Variants in CSMD3 observed in about 807,000 individuals in gnomAD.
CSMD3 encodes CUB and Sushi multiple domains 3, also known as CUB and sushi domain-containing protein 3.
A neutral mutation model predicts 435.2 loss-of-function variants in CSMD3; 177 were observed. The observed-to-expected ratio is 0.41, with a 90% confidence interval of 0.36 to 0.46. CSMD3 has a LOEUF of 0.46. Among genes scored for constraint, CSMD3 ranks in the 20% least tolerant of loss-of-function variants. CSMD3 has a pLI of 0.34. For missense variants in CSMD3, 4,265 were observed against 4,504.6 expected (o/e 0.95, Z 1.52); for synonymous variants, 1,656 against 1,520.5 (o/e 1.09, Z -2.07).
rs2074952475 is a variant in CSMD3 at position 112,645,373 on chromosome 8, GAAGAA to G, written c.3194-153_3194-149del. The G allele has an allele frequency of 1.9e-5, 13 of 693,236 alleles. No homozygotes were observed. The East Asian group carries it at 3.2e-4, about 17-fold the overall frequency. 42.9% of individuals were successfully genotyped at this position (693,236 alleles called of 1,614,324 possible). A position where few individuals can be genotyped will look rare whatever the true frequency, so the allele number is the denominator to read the frequency against. On this transcript the variant is annotated intron_variant, in intron 19 of 70. Transcript: ENST00000297405. The stretch of plus-strand genomic sequence containing the variant: ...TAACAGGTGTGCATGCAGCACTAGA[GAAGAA>G]AAGTGTACTCAGTAGCATCTGAGAA...
chr8:112,704,704 T>G (rs2076461842), intron 13 of CSMD3, among the ~76,000 whole-genome samples: 1 of 152,162 alleles, frequency 6.6e-6, no homozygotes, highest in South Asian at 2.1e-4. Flanking sequence ...GGGATTAAGC[T>G]TATTTTTATG....
intron 10 of CSMD3, among the ~76,000 whole-genome samples, chr8:112,886,268 A>G (rs2081594740): frequency 6.6e-6 from 1 of 151,670 alleles, no homozygotes; most frequent in Non-Finnish European, 1.5e-5. Context: ...TGTAACTCAT[A>G]TGTATTCATT....
chr8:112,958,246 T>C (rs890579124), intron 7 of CSMD3, among the ~76,000 whole-genome samples: 1 of 152,168 alleles, frequency 6.6e-6, no homozygotes, highest in Non-Finnish European at 1.5e-5. Flanking sequence ...AAATGCAAGA[T>C]TGATAGGCAT....
chr8:112,416,980 G>A (rs1039974489), intron 32 of CSMD3, among the ~76,000 whole-genome samples: 1 of 152,126 alleles, frequency 6.6e-6, no homozygotes, highest in African/African-American at 2.4e-5. Flanking sequence ...GGTGGAGTAA[G>A]GGCAGCAGGT....
intron 40 of CSMD3, among the ~76,000 whole-genome samples, chr8:112,349,029 A>G (rs1825912007): frequency 6.6e-6 from 1 of 152,040 alleles, no homozygotes; most frequent in East Asian, 1.9e-4. Flanking sequence ...AAAGGTTTTA[A>G]GCAGTTCTAT....
At chr8:113,140,034 C>T (rs183670802) in intron 4 of CSMD3, among the ~76,000 whole-genome samples, 15 of 150,988 alleles carry the variant, frequency 9.9e-5, no homozygotes, top group Non-Finnish European at 1.9e-4. Flanking sequence ...ATCAGTGATT[C>T]CTTGACCAAA....
At chr8:112,713,678 G>T (rs1239374166) in intron 13 of CSMD3, among the ~76,000 whole-genome samples, 2 of 152,108 alleles carry the variant, frequency 1.3e-5, no homozygotes, top group Non-Finnish European at 2.9e-5. Flanking sequence ...AGACAAAAAG[G>T]CCAGGTCACC....
At chr8:112,629,837 G>A (rs909534400) in intron 22 of CSMD3, among the ~76,000 whole-genome samples, 15 of 152,078 alleles carry the variant, frequency 9.9e-5, no homozygotes, top group Non-Finnish European at 4.4e-5. Context: ...CTTGAGTATA[G>A]GCAGGATCTA....
rs1812773647 is a variant in CSMD3, at chr8:112,228,381, T to G, written c.10964+375A>C. Among the ~76,000 whole-genome samples, 9 of 152,324 alleles carry G rather than the reference T, an allele frequency of 5.9e-5. No individual in the cohort carries two copies. The South Asian group carries it at 1.9e-3, about 32-fold the overall frequency. ...GGTTTGGACACAAGCTCCTTCTTAG[T>G]TTTCTAAACATATCTGGCAGCAGAT... On this transcript the variant is annotated intron_variant, in intron 70 of 70. Transcript: ENST00000297405.
chr8:113,055,005 C>A (rs1454842859), intron 5 of CSMD3, among the ~76,000 whole-genome samples: 1 of 152,130 alleles, frequency 6.6e-6, no homozygotes, highest in Non-Finnish European at 1.5e-5. Flanking sequence ...ATGTTATCTA[C>A]TACCTAGATA....
chr8:112,378,735 G>C (rs1829190104), intron 38 of CSMD3, among the ~76,000 whole-genome samples: 1 of 152,092 alleles, frequency 6.6e-6, no homozygotes, highest in South Asian at 2.1e-4. Context: ...TCTGATGTTT[G>C]ATAAGCAGGG....
At chr8:112,788,859 A>G (rs1299633203) in intron 13 of CSMD3, among the ~76,000 whole-genome samples, 1 of 152,148 alleles carries the variant, frequency 6.6e-6, no homozygotes, top group Non-Finnish European at 1.5e-5. Context: ...GGTATATTGA[A>G]TGTAAAATAA....
At chr8:112,617,371 T>C (rs1833739799) in intron 22 of CSMD3, among the ~76,000 whole-genome samples, 1 of 152,180 alleles carries the variant, frequency 6.6e-6, no homozygotes. Flanking sequence ...ATTATTAAAA[T>C]GGACCAGATA....
At chr8:113,265,346 G>A (rs1200688440) in intron 3 of CSMD3, among the ~76,000 whole-genome samples, 2 of 151,494 alleles carry the variant, frequency 1.3e-5, no homozygotes, top group Non-Finnish European at 3.0e-5. Flanking sequence ...AAATAATACA[G>A]TATATGTATT....
intron 39 of CSMD3, among the ~76,000 whole-genome samples, chr8:112,351,589 C>T (rs1044813328): frequency 6.6e-6 from 1 of 151,694 alleles, no homozygotes; most frequent in African/African-American, 2.4e-5. Context: ...TAATAAATTG[C>T]TATAACACAC....
intron 2 of CSMD3, among the ~76,000 whole-genome samples, chr8:113,296,202 C>G (rs1213981641): frequency 6.6e-6 from 1 of 151,450 alleles, no homozygotes; most frequent in Non-Finnish European, 1.5e-5. Context: ...ATGTAAATGA[C>G]GAGTTAATGG....
chr8:112,557,050 C>A, intron 24 of CSMD3, 96 bp from the exon 25 acceptor site: 1 of 775,360 alleles, frequency 1.3e-6, no homozygotes. Flanking sequence ...TTGATGATTA[C>A]ATACTTATTC....
intron 3 of CSMD3, among the ~76,000 whole-genome samples, chr8:113,202,032 T>C (rs1292452886): frequency 6.6e-6 from 1 of 152,064 alleles, no homozygotes; most frequent in African/African-American, 2.4e-5. Flanking sequence ...AAAAGTAAAG[T>C]AAAGCAAAAA....
intron 9 of CSMD3, among the ~76,000 whole-genome samples, chr8:112,947,512 C>G (rs1411954222): frequency 6.6e-6 from 1 of 151,434 alleles, no homozygotes; most frequent in Non-Finnish European, 1.5e-5. Context: ...AAAACTGGAA[C>G]TCAAAGTTAT....
Sources: gnomAD v4.1 joint callset for allele counts (sites outside exome capture counted in the v4.1 genomes callset) on GRCh38, gnomAD v4.1.1 for gene constraint, MANE v1.5 for transcripts, NCBI Gene and HGNC (gene_info 2026-07-23, HGNC 2026-07-21) for gene names.